SCARA5: variants seen among roughly 807,000 people sequenced by gnomAD.
The protein encoded by SCARA5 is scavenger receptor class A, member 5 (putative).
In SCARA5, 45 loss-of-function variants were observed where a neutral mutation model predicts 46.3. The ratio of observed to expected loss-of-function variants is 0.97; its 90% confidence interval spans 0.76 to 1.24. The LOEUF is 1.24. Ranked by LOEUF, SCARA5 falls within the 50% of genes most tolerant of loss-of-function variation. SCARA5 has a pLI of 0.00. For missense variants in SCARA5, 680 were observed against 689.0 expected, an observed-to-expected ratio of 0.99 and a Z score of 0.15; for synonymous variants, 333 against 306.5, an observed-to-expected ratio of 1.09 and a Z score of -0.90.
At chr8:27,984,332 C>G (rs1259687342) in intron 2 of SCARA5, among the ~76,000 whole-genome samples, 1 of 152,226 alleles carries the variant, frequency 6.6e-6, no homozygotes, top group Admixed American at 6.5e-5. Context: ...TCTCAACACT[C>G]TACTCTGCCT....
chr8:27,981,110 G>A (rs1036716853), intron 2 of SCARA5, among the ~76,000 whole-genome samples: 5 of 152,280 alleles, frequency 3.3e-5, no homozygotes, highest in South Asian at 2.1e-4. Context: ...CGCTTTACCC[G>A]GGTTATATCA....
At chr8:27,943,390 C>T (rs1382392186) in intron 3 of SCARA5, among the ~76,000 whole-genome samples, 1 of 151,498 alleles carries the variant, frequency 6.6e-6, no homozygotes, top group Non-Finnish European at 1.5e-5. Context: ...CTGCAGTGAG[C>T]ACTGCACTCC....
intron 8 of SCARA5, among the ~76,000 whole-genome samples, chr8:27,876,621 G>A (rs766176158): frequency 6.6e-6 from 1 of 152,154 alleles, no homozygotes; most frequent in Non-Finnish European, 1.5e-5. Flanking sequence ...AGCCCATGGG[G>A]CATCCGAGTG....
chr8:27,871,839 C>G lies in SCARA5; in HGVS notation c.*95G>C. On this transcript the variant is annotated 3_prime_UTR_variant, in exon 9 of 9. Coordinates refer to ENST00000354914, the MANE Select transcript of SCARA5 (RefSeq NM_173833.6). ...CTGAGAATGCTGGACGGGGTGTGGT[C>G]GAGGCATGGTCAGGGTGGCCCCGAG... 1.3e-6 allele frequency: 2 copies of G among 1,585,942 alleles called. No homozygotes were observed. Among genetic ancestry groups the G allele is most frequent in the Admixed American group, 3.4e-5 (2 of 58,920 alleles).
intron 3 of SCARA5, among the ~76,000 whole-genome samples, chr8:27,929,150 A>G (rs1731043844): frequency 6.6e-6 from 1 of 152,194 alleles, no homozygotes; most frequent in Admixed American, 6.5e-5. Context: ...TCTATGATTA[A>G]TGTATTCATG....
chr8:27,900,205 G>A (rs1170193509), intron 7 of SCARA5, among the ~76,000 whole-genome samples: 1 of 152,000 alleles, frequency 6.6e-6, no homozygotes, highest in East Asian at 1.9e-4. Context: ...CTCCATGCCT[G>A]AGATAAGGCT....
At chr8:27,947,728 A>T (rs1202274657) in intron 3 of SCARA5, among the ~76,000 whole-genome samples, 1 of 151,012 alleles carries the variant, frequency 6.6e-6, no homozygotes, top group Admixed American at 6.6e-5. Context: ...AAAAAAAAAA[A>T]GTCAGGCATG....
chr8:27,929,246 C>T (rs1807729574), intron 3 of SCARA5, among the ~76,000 whole-genome samples: 1 of 151,988 alleles, frequency 6.6e-6, no homozygotes, highest in South Asian at 2.1e-4. Context: ...TGCCTCCCCA[C>T]CCACAGCCCA....
intron 1 of SCARA5, among the ~76,000 whole-genome samples, chr8:27,990,170 C>T (rs1226123456): frequency 6.6e-6 from 1 of 152,210 alleles, no homozygotes; most frequent in African/African-American, 2.4e-5. Flanking sequence ...TCCTCCTCCC[C>T]ACCCCTCAGC....
Position 27,956,097 on chromosome 8 carries a change from A to G in SCARA5, c.241+10317T>C, listed in dbSNP as rs148864313. Among the ~76,000 whole-genome samples the G allele has an allele frequency of 9.8e-5, 15 of 152,354 alleles. 1 individual carries two copies. In the East Asian group the frequency reaches 2.9e-3, roughly 29 times the overall value. On this transcript the variant is annotated intron_variant, in intron 3 of 8. Coordinates refer to ENST00000354914, the MANE Select transcript of SCARA5 (RefSeq NM_173833.6). ...AGGTGGAATTCTGGCGAAGACAGAG[A>G]TGGAATCTGATGGAACTTGATGGCA...
intron 3 of SCARA5, among the ~76,000 whole-genome samples, chr8:27,960,966 C>G (rs1218459084): frequency 6.6e-6 from 1 of 152,196 alleles, no homozygotes; most frequent in Non-Finnish European, 1.5e-5. Context: ...GCCCAATTTG[C>G]TCACTTTACA....
chr8:27,905,717 T>G (rs1440228580), intron 6 of SCARA5, among the ~76,000 whole-genome samples: 1 of 148,286 alleles, frequency 6.7e-6, no homozygotes, highest in Non-Finnish European at 1.5e-5. Context: ...TTTTTTTTTT[T>G]TTTTTGAGAC....
chr8:27,931,059 G>T (rs949518882), intron 3 of SCARA5, among the ~76,000 whole-genome samples: 3 of 152,226 alleles, frequency 2.0e-5, no homozygotes, highest in South Asian at 2.1e-4. Context: ...CTGGATTCAT[G>T]TGACTTTAAT....
intron 2 of SCARA5, among the ~76,000 whole-genome samples, chr8:27,969,501 GC>G (rs1213923540): frequency 1.3e-5 from 2 of 152,194 alleles, no homozygotes; most frequent in Non-Finnish European, 2.9e-5. Flanking sequence ...GATTGGGAGG[GC>G]AGGAGGGATG....
chr8:27,896,825 G>A (rs1341040344), intron 7 of SCARA5, among the ~76,000 whole-genome samples: 1 of 152,130 alleles, frequency 6.6e-6, no homozygotes, highest in Non-Finnish European at 1.5e-5. Context: ...TGGGCGCAGT[G>A]GCTCACGCCG....
chr8:27,904,796 C>G lies in SCARA5; in HGVS notation c.1135G>C (p.Asp379His), dbSNP rs1807224736. The change falls in exon 7 of 9, where the codon GAC becomes CAC. Residue 379 changes from aspartate (D) to histidine (H), a missense_variant. By Grantham distance (81) the Asp-to-His change is moderately conservative. Around this residue, in one of 3 missense-constraint regions of SCARA5, gnomAD observed 219 missense variants for 269.5 expected, o/e 0.81. Transcript: ENST00000354914. ...TCCTTACTGGCATCCCCAGCTCTGT[C>G]TCCTTTCTCTCCTTTCTCTCCTTTT... ...GPKGEKGEKGDRAGDASGVEA... is the reference protein window; with the variant it reads ...GPKGEKGEKGHRAGDASGVEA... 6.2e-7 allele frequency: 1 copy of G among 1,612,226 alleles called. No homozygotes were observed. The highest frequency in any genetic ancestry group is 8.5e-7 in the Non-Finnish European group (1 of 1,179,220).
chr8:27,970,152 G>A (rs181054521), intron 2 of SCARA5, among the ~76,000 whole-genome samples: 19 of 152,202 alleles, frequency 1.2e-4, no homozygotes, highest in Admixed American at 7.8e-4. Flanking sequence ...TGTCATGAGC[G>A]CCCACAGAGA....
chr8:27,944,551 T>C (rs1188269000), intron 3 of SCARA5, among the ~76,000 whole-genome samples: 4 of 152,102 alleles, frequency 2.6e-5, no homozygotes, highest in Non-Finnish European at 5.9e-5. Flanking sequence ...CTCTGTAGGT[T>C]TAACATTTTT....
intron 7 of SCARA5, among the ~76,000 whole-genome samples, chr8:27,902,385 C>A (rs372693207): frequency 7.2e-5 from 11 of 152,146 alleles, no homozygotes; most frequent in East Asian, 3.9e-4. Flanking sequence ...CTCCCTGCAC[C>A]GTAGCTCTGG....
Sources: gnomAD v4.1 joint callset for allele counts (sites outside exome capture counted in the v4.1 genomes callset) on GRCh38, gnomAD v4.1.1 for gene constraint, gnomAD v4.1.1 regional missense constraint, MANE v1.5 for transcripts, NCBI Gene and HGNC (gene_info 2026-07-23, HGNC 2026-07-21) for gene names.